The following DNAH14 variants were observed in gnomAD, a reference collection of about 807,000 sequenced individuals.
The protein encoded by DNAH14 is dynein axonemal heavy chain 14.
In DNAH14, 478 loss-of-function variants were observed where a neutral mutation model predicts 520.9. The ratio of observed to expected loss-of-function variants is 0.92; its 90% CI spans 0.85 to 0.99. The LOEUF is 0.99. Ranked by LOEUF, DNAH14 falls within the 50% of genes least tolerant of loss-of-function variation. The pLI, the probability that DNAH14 is intolerant of heterozygous loss-of-function variation, is 0.00. For synonymous variants in DNAH14, 1,581 were observed against 1,757.2 expected (o/e 0.90, Z 2.51); for missense variants, 4,831 against 5,234.5 (o/e 0.92, Z 2.38).
chr1:225,168,101 A>G (rs1356778210), intron 36 of DNAH14, 73 bp downstream of exon 36: 6 of 863,506 alleles, frequency 6.9e-6, no homozygotes, highest in African/African-American at 3.5e-5. Context: ...AAGGGCAAAA[A>G]TAATAATAAA....
intron 84 of DNAH14, among the ~76,000 whole-genome samples, chr1:225,393,157 A>G (rs532215218): frequency 2.0e-4 from 30 of 152,382 alleles, no homozygotes; most frequent in African/African-American, 7.2e-4. Flanking sequence ...AGGATGCTCA[A>G]TATCTTTAGT....
intron 1 of DNAH14, 41 bp downstream of exon 1, chr1:224,929,876 C>G (rs2058560293): frequency 3.2e-6 from 2 of 627,034 alleles, no homozygotes. Flanking sequence ...TCGGCAGAGC[C>G]TCGGCGGGCG....
chr1:225,185,316 G>A lies in DNAH14; in HGVS notation c.5561G>A (p.Gly1854Asp). The A allele has an allele frequency of 1.3e-6, 2 of 1,545,476 alleles. No homozygotes were observed. Among genetic ancestry groups the A allele is most frequent in the South Asian group, 2.4e-5 (2 of 82,676 alleles). ...LQVCVGVMLV[G>D]PTGGGKTTVR... The stretch of plus-strand genomic sequence containing the variant: ...GTTTGTGTTGGTGTGATGTTAGTGG[G>A]CCCAACAGGTGGAGGAAAGACAACA... Residue 1854 changes from glycine to aspartate, a missense_variant, in exon 37 of 86, where the codon GGC (glycine) becomes GAC (aspartate). Transcript: ENST00000682510.
chr1:225,300,547 A>T (rs1050665898), intron 55 of DNAH14, among the ~76,000 whole-genome samples: 2 of 152,174 alleles, frequency 1.3e-5, no homozygotes, highest in African/African-American at 4.8e-5. Flanking sequence ...AGAATATTTT[A>T]AAAATTAGCC....
Position 225,153,830 on chromosome 1 carries a change from A to C in DNAH14, c.5273+4A>C. The C allele has an allele frequency of 6.5e-7, 1 of 1,548,350 alleles. No individual in the cohort carries two copies. ...CGAAGAAACGGGAGTTTAAATGGTC[A>C]GTTGAATTTTGAATTGTTAGGTCAA... On this transcript the variant is annotated splice_donor_region_variant and intron_variant, in intron 34 of 85. Coordinates refer to ENST00000682510, the MANE Select transcript of DNAH14 (RefSeq NM_001367479.1).
chr1:225,020,591 A>G (rs769041305), intron 10 of DNAH14, among the ~76,000 whole-genome samples: 1 of 152,060 alleles, frequency 6.6e-6, no homozygotes, highest in Non-Finnish European at 1.5e-5. Flanking sequence ...TCCTGGAAAC[A>G]CATAGCCTCC....
chr1:224,941,775 C>A (rs922418928), intron 1 of DNAH14, among the ~76,000 whole-genome samples: 3 of 152,132 alleles, frequency 2.0e-5, no homozygotes, highest in African/African-American at 4.8e-5. Flanking sequence ...AATCCTTTCC[C>A]CATTGCTTGT....
rs1450029900 is a variant in DNAH14, at chr1:225,189,227, G to A, written c.5671-3469G>A. 2.0e-5 allele frequency among the ~76,000 whole-genome samples: 3 copies of A among 151,752 alleles called. No individual in the cohort carries two copies. The South Asian group carries it at 6.2e-4, about 31-fold the overall frequency. On this transcript the variant is annotated intron_variant, in intron 37 of 85. Coordinates refer to ENST00000682510, the MANE Select transcript of DNAH14 (RefSeq NM_001367479.1). ...TGACCAGGAATTGTGCTTGGTCATG[G>A]TGCATAATCCTTTAAATGTGCTGTT... is the stretch of plus-strand genomic sequence containing the variant.
rs117259391 is a variant in DNAH14, at chr1:225,177,586, G to A, written c.5536-7705G>A. Among the ~76,000 whole-genome samples, 458 of 152,186 alleles carry A rather than the reference G, an allele frequency of 3.0e-3. 3 individuals are homozygous for A. Among genetic ancestry groups the A allele is most frequent in the East Asian group, 0.027 (139 of 5,166 alleles). ...CGTGGGCCAAACCCAGGGTCTCTGT[G>A]CTGTATGCAGCCTGAAAGGGGACAA... On this transcript the variant is annotated intron_variant, in intron 36 of 85. Coordinates refer to ENST00000682510, the MANE Select transcript of DNAH14 (RefSeq NM_001367479.1).
At chr1:225,259,019 T>C (rs1574348913) in intron 45 of DNAH14, 102 bp from the exon 46 acceptor site, 1 of 1,247,816 alleles carries the variant, frequency 8.0e-7, no homozygotes, top group East Asian at 3.1e-5. Context: ...ACACTTTTTA[T>C]GCAATTTTCA....
intron 13 of DNAH14, 147 bp downstream of exon 13, chr1:225,043,261 C>T: frequency 5.9e-6 from 1 of 170,630 alleles, no homozygotes; most frequent in Non-Finnish European, 1.0e-5. Flanking sequence ...GAGACCTTGT[C>T]TCTTGTCTCT....
chr1:225,175,231 T>C (rs557446566), intron 36 of DNAH14, among the ~76,000 whole-genome samples: 26 of 152,272 alleles, frequency 1.7e-4, no homozygotes, highest in African/African-American at 6.0e-4. Flanking sequence ...CTGAGTAGAA[T>C]TGGTATTAGT....
In DNAH14 at chr1:225,050,236, C is replaced by T. The variant is rs1371820269; in HGVS notation, c.1939C>T (p.Pro647Ser). The part of the protein sequence containing the change: ...ITTITPLCQD[P>S]QLSIFIDLVS... ...CACAATTACTCCTCTTTGCCAAGAT[C>T]CCCAGCTGTCTATCTTCATTGATTT... is the stretch of plus-strand genomic sequence containing the variant. Residue 647 changes from proline to serine, a missense_variant, in exon 16 of 86, where the codon CCC (proline) becomes TCC (serine). Transcript: ENST00000682510. The T allele has an allele frequency of 6.5e-7, 1 of 1,543,488 alleles. No individual in the cohort carries two copies. The highest frequency in any genetic ancestry group is 1.2e-5 in the South Asian group (1 of 81,008).
chr1:224,941,702 G>A (rs1230088408), intron 1 of DNAH14, among the ~76,000 whole-genome samples: 1 of 152,140 alleles, frequency 6.6e-6, no homozygotes, highest in Non-Finnish European at 1.5e-5. Context: ...GTAAGGAAGG[G>A]ATCCAGTTTC....
intron 7 of DNAH14, among the ~76,000 whole-genome samples, chr1:224,970,440 T>C (rs2061437486): frequency 6.6e-6 from 1 of 152,152 alleles, no homozygotes; most frequent in Non-Finnish European, 1.5e-5. Context: ...TGATATCTTA[T>C]TACCTTGTGA....
chr1:225,107,144 C>G (rs182324524), intron 23 of DNAH14, among the ~76,000 whole-genome samples: 3 of 152,304 alleles, frequency 2.0e-5, no homozygotes, highest in East Asian at 1.9e-4. Context: ...GAGGTCCACT[C>G]CAGACCCTGT....
chr1:225,261,444 G>A (rs1012584055), intron 46 of DNAH14, among the ~76,000 whole-genome samples: 1 of 152,184 alleles, frequency 6.6e-6, no homozygotes. Context: ...CACATTTATT[G>A]ATTTGTGCAT....
chr1:225,130,203 A>G (rs186978425), intron 27 of DNAH14, among the ~76,000 whole-genome samples: 7 of 151,498 alleles, frequency 4.6e-5, no homozygotes, highest in Admixed American at 1.3e-4. Flanking sequence ...AAATAGGAAC[A>G]CTTTTACACT....
At chr1:225,251,652 A>T (rs913968203) in intron 43 of DNAH14, among the ~76,000 whole-genome samples, 1 of 152,204 alleles carries the variant, frequency 6.6e-6, no homozygotes, top group African/African-American at 2.4e-5. Flanking sequence ...CAAGCCACAG[A>T]TTCAAAGAAT....
Sources: allele counts gnomAD v4.1 joint callset (sites outside exome capture counted in the v4.1 genomes callset), GRCh38; gene constraint gnomAD v4.1.1; transcripts MANE v1.5; gene names NCBI Gene and HGNC (gene_info 2026-07-23, HGNC 2026-07-21).